Variants in DDB2 observed in about 807,000 individuals in gnomAD.
DDB2 encodes the protein damage specific DNA binding protein 2, also known as DNA damage-binding protein 2.
Under a neutral mutation model 50.5 loss-of-function variants are expected in DDB2, and 27 were observed. The ratio of observed to expected loss-of-function variants is 0.53; its 90% CI spans 0.39 to 0.74. The LOEUF (loss-of-function observed/expected upper bound fraction) is 0.74. DDB2 is among the 30% of genes least tolerant of loss of function. The pLI, the probability that DDB2 is intolerant of heterozygous loss-of-function variation, is 0.00. For synonymous variants in DDB2, 176 were observed against 205.5 expected (o/e 0.86, Z 1.23); for missense variants, 424 against 545.6 (o/e 0.78, Z 2.22).
intron 3 of DDB2, among the ~76,000 whole-genome samples, chr11:47,226,055 A>C (rs941945259): frequency 1.3e-5 from 2 of 152,186 alleles, no homozygotes; most frequent in Admixed American, 1.3e-4. Context: ...TATTGTGAAT[A>C]ATGCTGCAGT....
chr11:47,235,391 C>G lies in DDB2; in HGVS notation c.1002C>G (p.Phe334Leu). The change falls in exon 7 of 10, where the codon TTC becomes TTG. Residue 334 changes from phenylalanine (F) to leucine (L), a missense_variant. Phe to Leu is a conservative substitution (Grantham distance 22). Coordinates refer to ENST00000256996, the MANE Select transcript of DDB2 (RefSeq NM_000107.3). Reference sequence around the variant, plus strand: ...TGATCCCGCACCCTCACCGTCACTTCCAGCACCTCACACCCATCAAGGTGA... The same window carrying G: ...TGATCCCGCACCCTCACCGTCACTTGCAGCACCTCACACCCATCAAGGTGA... ...LGLIPHPHRHFQHLTPIKAAW... is the reference protein window; with the variant it reads ...LGLIPHPHRHLQHLTPIKAAW... 6.2e-7 allele frequency: 1 copy of G among 1,613,260 alleles called. No individual in the cohort carries two copies. Among genetic ancestry groups the G allele is most frequent in the Non-Finnish European group, 8.5e-7 (1 of 1,180,040 alleles).
chr11:47,220,001 T>C (rs1334128999), intron 3 of DDB2, among the ~76,000 whole-genome samples: 1 of 151,932 alleles, frequency 6.6e-6, no homozygotes, highest in East Asian at 1.9e-4. Context: ...GTGTTAGCCA[T>C]GATGGTCTCG....
intron 3 of DDB2, among the ~76,000 whole-genome samples, chr11:47,232,587 CGT>C (rs1953664817): frequency 6.6e-6 from 1 of 152,000 alleles, no homozygotes; most frequent in Non-Finnish European, 1.5e-5. Context: ...TGCAGTGAGC[CGT>C]GTTTGTGCCA....
In DDB2 at chr11:47,216,867, C is replaced by G. The variant is rs750322138; in HGVS notation, c.274C>G (p.Gln92Glu). 2 of 1,614,036 alleles carry G rather than the reference C, an allele frequency of 1.2e-6. No individual in the cohort carries two copies. The highest frequency in any genetic ancestry group is 3.3e-5 in the Admixed American group (2 of 60,002). ...TTTCTCTCTGTGGCAGGGGCTCCAGCAGTCCTTTTTGCACACTCTGGATTC... is the reference window on the plus strand; with the variant it reads ...TTTCTCTCTGTGGCAGGGGCTCCAGGAGTCCTTTTTGCACACTCTGGATTC... ...SWPSVQQGLQ[Q>E]SFLHTLDSYR... The change falls in exon 3 of 10, where the codon CAG (glutamine) becomes GAG (glutamate). Residue 92 changes from glutamine (Q) to glutamate (E), a missense_variant. Gln to Glu is a conservative substitution (Grantham distance 29). Coordinates refer to ENST00000256996, the MANE Select transcript of DDB2 (RefSeq NM_000107.3).
intron 2 of DDB2, 138 bp downstream of exon 2, chr11:47,216,610 T>C: frequency 7.6e-7 from 1 of 1,319,292 alleles, no homozygotes; most frequent in Non-Finnish European, 1.1e-6. Flanking sequence ...ACTGGCCTAC[T>C]GGGCACTCAG....
At chr11:47,224,084 C>G (rs896546503) in intron 3 of DDB2, among the ~76,000 whole-genome samples, 12 of 152,136 alleles carry the variant, frequency 7.9e-5, no homozygotes, top group Non-Finnish European at 1.2e-4. Context: ...GATCCTGTCT[C>G]AATTAAAAAC....
chr11:47,238,174 T>A lies in DDB2; in HGVS notation c.1225T>A (p.Ser409Thr), dbSNP rs1352346903. The A allele has an allele frequency of 6.2e-7, 1 of 1,611,204 alleles. No homozygotes were observed. Among genetic ancestry groups the A allele is most frequent in the Non-Finnish European group, 8.5e-7 (1 of 1,178,694 alleles). Residue 409 changes from serine to threonine, a missense_variant, in exon 9 of 10, where the codon TCT (serine) becomes ACT (threonine). Ser to Thr is a moderately conservative substitution (Grantham distance 58). Coordinates refer to ENST00000256996, the MANE Select transcript of DDB2 (RefSeq NM_000107.3). ...EFNPMGDTLA[S>T]AMGYHILIWS... ...CAATCCCATGGGGGACACGCTGGCC[T>A]CTGCAATGGGTGAGTAGGAGGAGAA...
chr11:47,232,458 C>A (rs1783505394), intron 3 of DDB2, among the ~76,000 whole-genome samples: 1 of 151,446 alleles, frequency 6.6e-6, no homozygotes, highest in Admixed American at 6.6e-5. Context: ...TCAAGACCAG[C>A]TTGGGCAACG....
In DDB2 at chr11:47,238,951, C is replaced by G; in HGVS notation, c.*102C>G. On this transcript the variant is annotated 3_prime_UTR_variant, in exon 10 of 10. Coordinates refer to ENST00000256996, the MANE Select transcript of DDB2 (RefSeq NM_000107.3). ...CGATTTGTTAAAGGGCCAAAAGTATCCAAGGTTAGGGTTGGAGCAGGGGTG... is the reference window on the plus strand; with the variant it reads ...CGATTTGTTAAAGGGCCAAAAGTATGCAAGGTTAGGGTTGGAGCAGGGGTG... 7.7e-7 allele frequency: 1 copy of G among 1,294,488 alleles called. No individual in the cohort carries two copies. Among genetic ancestry groups the G allele is most frequent in the East Asian group, 2.4e-5 (1 of 41,302 alleles). 80.2% of individuals were successfully genotyped at this position (1,294,488 alleles called of 1,614,324 possible).
At chr11:47,238,700 C>A in intron 9 of DDB2, 100 bp from the exon 10 acceptor site, 1 of 1,373,272 alleles carries the variant, frequency 7.3e-7, no homozygotes, top group Admixed American at 1.7e-5. Flanking sequence ...GCCCGGCCTT[C>A]CTAGTATTTC....
chr11:47,231,673 C>A (rs998433834), intron 3 of DDB2, among the ~76,000 whole-genome samples: 1 of 152,092 alleles, frequency 6.6e-6, no homozygotes, highest in African/African-American at 2.4e-5. Flanking sequence ...CATGCACCTA[C>A]CACCATGTCT....
rs1468941121 is a variant in DDB2 at position 47,216,847 on chromosome 11, C to T, written c.265-11C>T. 23 of 1,613,772 alleles carry T rather than the reference C, an allele frequency of 1.4e-5. No individual in the cohort carries two copies. The highest frequency in any genetic ancestry group is 1.7e-5 in the Non-Finnish European group (20 of 1,179,866). ...TTTTAATTCAACCTAATTCATTTCT[C>T]TCTGTGGCAGGGGCTCCAGCAGTCC... On this transcript the variant is annotated splice_polypyrimidine_tract_variant and intron_variant, in intron 2 of 9. Transcript: ENST00000256996.
chr11:47,235,759 T>C (rs1953717325), intron 7 of DDB2: 2 of 278,434 alleles, frequency 7.2e-6, no homozygotes, highest in Non-Finnish European at 1.4e-5. Context: ...TTTTTTATTT[T>C]TTTATTATTT....
intron 3 of DDB2, among the ~76,000 whole-genome samples, chr11:47,225,540 C>T (rs574610228): frequency 2.8e-4 from 43 of 151,452 alleles, no homozygotes; most frequent in Non-Finnish European, 5.3e-4. Flanking sequence ...TGCAGTGACC[C>T]GAGATTATGC....
chr11:47,232,664 C>A, intron 3 of DDB2, 150 bp from the exon 4 acceptor site: 2 of 786,690 alleles, frequency 2.5e-6, no homozygotes, highest in Admixed American at 1.9e-5. Flanking sequence ...GAAGTGAAGG[C>A]CCTGTAGAGA....
intron 3 of DDB2, among the ~76,000 whole-genome samples, chr11:47,228,497 G>A (rs11607786): frequency 2.0e-5 from 3 of 150,274 alleles, no homozygotes; most frequent in African/African-American, 4.9e-5. Context: ...ACAAAAATTC[G>A]CCAAGCATGG....
At chr11:47,217,937 A>T (rs1052522986) in intron 3 of DDB2, among the ~76,000 whole-genome samples, 1 of 152,232 alleles carries the variant, frequency 6.6e-6, no homozygotes, top group African/African-American at 2.4e-5. Context: ...ACCTCATCTT[A>T]CGCCATTGTC....
Position 47,234,565 on chromosome 11 carries a change from C to T in DDB2, c.603-8C>T, listed in dbSNP as rs1953695338. 1 of 1,611,490 alleles carries T rather than the reference C, an allele frequency of 6.2e-7. No individual in the cohort carries two copies. Among genetic ancestry groups the T allele is most frequent in the Admixed American group, 1.7e-5 (1 of 59,980 alleles). On this transcript the variant is annotated splice_region_variant and splice_polypyrimidine_tract_variant and intron_variant, in intron 4 of 9. Coordinates refer to ENST00000256996, the MANE Select transcript of DDB2 (RefSeq NM_000107.3). ...CCAAGAATCTTACAACACAGTCTCT[C>T]CCTCCAGCATCTGGTTTTGTAGCCT...
chr11:47,237,417 G>A (rs1206557349), intron 7 of DDB2, among the ~76,000 whole-genome samples: 4 of 150,280 alleles, frequency 2.7e-5, no homozygotes, highest in African/African-American at 9.8e-5. Context: ...AGGTTGGCTT[G>A]TTACTGGCAA....
Sources: allele counts gnomAD v4.1 joint callset (sites outside exome capture counted in the v4.1 genomes callset), GRCh38; gene constraint gnomAD v4.1.1; transcripts MANE v1.5; gene names NCBI Gene and HGNC (gene_info 2026-07-23, HGNC 2026-07-21).